Variants in CCDC63 observed in about 807,000 individuals in gnomAD.
CCDC63 encodes coiled-coil domain containing 63.
A neutral mutation model predicts 63.6 loss-of-function variants in CCDC63; 54 were observed. The ratio of observed to expected loss-of-function variants is 0.85; its 90% CI spans 0.68 to 1.07. CCDC63 has a LOEUF of 1.07. Ranked by LOEUF, CCDC63 falls within the 50% of genes least tolerant of loss-of-function variation. CCDC63 has a pLI of 0.00. For missense variants in CCDC63, 637 were observed against 689.6 expected (o/e 0.92, Z 0.86); for synonymous variants, 253 against 266.1 (o/e 0.95, Z 0.48).
intron 4 of CCDC63, among the ~76,000 whole-genome samples, chr12:110,866,990 C>T (rs1593654649): frequency 3.5e-5 from 4 of 113,982 alleles, no homozygotes; most frequent in East Asian, 2.8e-4. Flanking sequence ...GCTGGCCGGG[C>T]GGGGGGCTGA....
intron 1 of CCDC63, 50 bp downstream of exon 1, chr12:110,847,155 T>C (rs2070647609): frequency 6.6e-6 from 1 of 152,306 alleles, no homozygotes; most frequent in African/African-American, 2.4e-5. Flanking sequence ...CAGCTCCCCC[T>C]GCCAGGGAAA....
At chr12:110,898,343 C>T (rs1163899440) in intron 9 of CCDC63, among the ~76,000 whole-genome samples, 4 of 151,178 alleles carry the variant, frequency 2.6e-5, no homozygotes, top group African/African-American at 7.3e-5. Flanking sequence ...ATATTGTAGG[C>T]TGGGCGTGGT....
At chr12:110,898,796 G>A (rs868229044) in intron 9 of CCDC63, 137 bp from the exon 10 acceptor site, 1 of 508,424 alleles carries the variant, frequency 2.0e-6, no homozygotes, top group African/African-American at 2.0e-5. Context: ...AAATTTGATG[G>A]GAACCCATTT....
intron 4 of CCDC63, among the ~76,000 whole-genome samples, chr12:110,867,532 C>A (rs561463888): frequency 8.2e-5 from 10 of 122,306 alleles, no homozygotes; most frequent in Middle Eastern, 6.1e-3. Context: ...GGGGGCTGAC[C>A]CCCCCACCTC....
At chr12:110,872,927 C>T (rs150632975) in intron 4 of CCDC63, among the ~76,000 whole-genome samples, 1,605 of 152,288 alleles carry the variant, frequency 0.011, 12 homozygotes, top group Non-Finnish European at 0.014. Flanking sequence ...ATCAAACTAT[C>T]TTTTTTGATC....
At chr12:110,861,850 TG>T (rs2070858537) in intron 4 of CCDC63, among the ~76,000 whole-genome samples, 2 of 151,640 alleles carry the variant, frequency 1.3e-5, no homozygotes, top group Admixed American at 6.6e-5. Flanking sequence ...GGATTACAGG[TG>T]TGAGCCACTG....
chr12:110,886,811 C>A (rs989936927), intron 8 of CCDC63, among the ~76,000 whole-genome samples: 2 of 152,104 alleles, frequency 1.3e-5, no homozygotes, highest in Non-Finnish European at 2.9e-5. Context: ...CTTGAAGGAC[C>A]CTCATGCCAC....
chr12:110,894,728 C>G (rs2071397431), intron 9 of CCDC63, among the ~76,000 whole-genome samples: 1 of 152,184 alleles, frequency 6.6e-6, no homozygotes, highest in Non-Finnish European at 1.5e-5. Flanking sequence ...AATCCAGACT[C>G]TTGTTGAGGT....
Position 110,879,893 on chromosome 12 carries a change from G to C in CCDC63, c.490-13G>C. ...GAAATGAGACCTGTTTTGAAGCATG[G>C]CCCTTTCAACAGGTCACTGTTCACT... On this transcript the variant is annotated splice_polypyrimidine_tract_variant and intron_variant, in intron 5 of 11. Coordinates refer to ENST00000308208, the MANE Select transcript of CCDC63 (RefSeq NM_152591.3). The C allele has an allele frequency of 5.0e-6, 8 of 1,612,826 alleles. No homozygotes were observed. Among genetic ancestry groups the C allele is most frequent in the Non-Finnish European group, 6.8e-6 (8 of 1,178,988 alleles).
intron 11 of CCDC63, among the ~76,000 whole-genome samples, chr12:110,906,791 G>A (rs1035831269): frequency 6.6e-6 from 1 of 152,134 alleles, no homozygotes; most frequent in Non-Finnish European, 1.5e-5. Context: ...GTTCCTAAAA[G>A]GTTGGGGGGA....
Position 110,905,916 on chromosome 12 carries a change from TATATATA to T in CCDC63, c.1546+1133_1546+1139del, listed in dbSNP as rs2071559866. Among the ~76,000 whole-genome samples, 4 of 7,418 alleles carry T rather than the reference TATATATA, an allele frequency of 5.4e-4. 1 individual carries two copies. Among genetic ancestry groups the T allele is most frequent in the Admixed American group, 3.1e-3 (1 of 326 alleles). 4.9% of individuals were successfully genotyped at this position (7,418 alleles called of 152,430 possible). ...ATATTATATATAATATATATTATAT[TATATATA>T]ATATATATTATATAAAATATATATT... is the stretch of plus-strand genomic sequence containing the variant. On this transcript the variant is annotated intron_variant, in intron 11 of 11. Transcript: ENST00000308208.
In CCDC63 at chr12:110,889,884, A is replaced by G. The variant is rs961066527; in HGVS notation, c.1075-3192A>G. 4.0e-5 allele frequency among the ~76,000 whole-genome samples: 6 copies of G among 151,782 alleles called. No homozygotes were observed. The highest frequency in any genetic ancestry group is 5.9e-5 in the Non-Finnish European group (4 of 67,996). ...TTTCTTTTTTCCTTTTTCCAAAATC[A>G]TATATTTTTTTCCGATTAGAATTTT... is the stretch of plus-strand genomic sequence containing the variant. On this transcript the variant is annotated intron_variant, in intron 8 of 11. Coordinates refer to ENST00000308208, the MANE Select transcript of CCDC63 (RefSeq NM_152591.3). The surrounding 1 kb of genome is among the most constrained non-coding windows in gnomAD (Gnocchi z 4.1).
chr12:110,888,460 G>A (rs1327394550), intron 8 of CCDC63, among the ~76,000 whole-genome samples: 9 of 152,160 alleles, frequency 5.9e-5, no homozygotes, highest in Admixed American at 5.9e-4. Flanking sequence ...CCCTCTCTGG[G>A]CCTCAGTTTC....
rs144237907 is a variant in CCDC63, at chr12:110,869,941, G to A, written c.370-3901G>A. 3.6e-3 allele frequency among the ~76,000 whole-genome samples: 541 copies of A among 152,120 alleles called. 4 individuals are homozygous for A. The highest frequency in any genetic ancestry group is 0.012 in the African/African-American group (496 of 41,494). On this transcript the variant is annotated intron_variant, in intron 4 of 11. Coordinates refer to ENST00000308208, the MANE Select transcript of CCDC63 (RefSeq NM_152591.3). ...TATTTTGGCATACTTTAAAATTTAC[G>A]GAATGGTTACAAAGATAATATAGTT...
chr12:110,859,633 AG>A (rs2070825980), intron 4 of CCDC63, among the ~76,000 whole-genome samples: 1 of 151,844 alleles, frequency 6.6e-6, no homozygotes, highest in East Asian at 1.9e-4. Context: ...CTCATGACCC[AG>A]GGGCTCAAAA....
chr12:110,883,481 G>A (rs542926559), intron 7 of CCDC63, among the ~76,000 whole-genome samples: 1 of 152,182 alleles, frequency 6.6e-6, no homozygotes, highest in African/African-American at 2.4e-5. Context: ...GCAGTGCCTA[G>A]CACAGTGTGT....
At chr12:110,870,479 A>G (rs113804193) in intron 4 of CCDC63, among the ~76,000 whole-genome samples, 36 of 152,326 alleles carry the variant, frequency 2.4e-4, no homozygotes, top group Middle Eastern at 3.4e-3. Context: ...TTTACGTTTC[A>G]CTTAGCAAAA....
intron 8 of CCDC63, among the ~76,000 whole-genome samples, chr12:110,890,767 CCTTTT>C (rs1397729543): frequency 6.9e-6 from 1 of 144,776 alleles, no homozygotes; most frequent in African/African-American, 2.6e-5. Context: ...TTTTTTTCCT[CCTTTT>C]CTTTTTTTTT....
chr12:110,887,808 A>G (rs535643112), intron 8 of CCDC63, among the ~76,000 whole-genome samples: 14 of 152,198 alleles, frequency 9.2e-5, no homozygotes, highest in Middle Eastern at 3.4e-3. Context: ...CATGTTGGCC[A>G]GGATGGTCTC....
Sources: gnomAD v4.1 joint callset for allele counts (sites outside exome capture counted in the v4.1 genomes callset) on GRCh38, gnomAD v4.1.1 for gene constraint, Gnocchi (gnomAD v3.1) non-coding constraint, MANE v1.5 for transcripts, NCBI Gene and HGNC (gene_info 2026-07-23, HGNC 2026-07-21) for gene names.